Variants in MSRB3 observed in about 807,000 individuals in gnomAD.
MSRB3 encodes the protein methionine sulfoxide reductase B3, also known as methionine-R-sulfoxide reductase B3.
A neutral mutation model predicts 21.0 loss-of-function variants in MSRB3; 13 were observed. The ratio of observed to expected loss-of-function variants is 0.62; its 90% confidence interval spans 0.40 to 0.98. The LOEUF (loss-of-function observed/expected upper bound fraction) is 0.98, where lower values mean the gene tolerates loss of function less well. Among genes scored for constraint, MSRB3 ranks in the 50% least tolerant of loss-of-function variants. The probability of loss-of-function intolerance (pLI) is 0.00; values close to 1 mark genes in which losing one functional copy is unlikely to be tolerated. For missense variants in MSRB3, 199 were observed against 230.3 expected, an observed-to-expected ratio of 0.86 and a Z score of 0.88; for synonymous variants, 87 against 88.6, an observed-to-expected ratio of 0.98 and a Z score of 0.10.
intron 1 of MSRB3, among the ~76,000 whole-genome samples, chr12:65,279,723 A>T (rs1029926328): frequency 6.6e-6 from 1 of 152,136 alleles, no homozygotes; most frequent in Non-Finnish European, 1.5e-5. Flanking sequence ...TCATGTGGGA[A>T]CTGTTGGGGG....
intron 4 of MSRB3, among the ~76,000 whole-genome samples, chr12:65,348,837 G>A (rs1381107239): frequency 1.3e-5 from 2 of 151,970 alleles, no homozygotes; most frequent in African/African-American, 2.4e-5. Flanking sequence ...CCTTCATTTC[G>A]TTATGTACCC....
At chr12:65,383,609 A>C (rs1879054266) in intron 5 of MSRB3, among the ~76,000 whole-genome samples, 1 of 151,698 alleles carries the variant, frequency 6.6e-6, no homozygotes, top group Non-Finnish European at 1.5e-5. Context: ...GGATGTTTTT[A>C]TCTAAAGTAG....
At chr12:65,297,455 A>T (rs1028211041) in intron 1 of MSRB3, among the ~76,000 whole-genome samples, 22 of 152,198 alleles carry the variant, frequency 1.4e-4, no homozygotes, top group Admixed American at 1.4e-3. Context: ...GGTAGACAAG[A>T]CTGTATGGGA....
chr12:65,309,015 T>C (rs1431435338), intron 2 of MSRB3: 3 of 277,752 alleles, frequency 1.1e-5, no homozygotes, highest in Admixed American at 4.7e-5. Flanking sequence ...TTCATCTTGT[T>C]AAAGGATAAT....
intron 4 of MSRB3, among the ~76,000 whole-genome samples, chr12:65,347,768 C>G (rs1470254145): frequency 6.6e-6 from 1 of 152,158 alleles, no homozygotes; most frequent in East Asian, 1.9e-4. Context: ...CCATCAGTAC[C>G]TAATTTATTG....
intron 5 of MSRB3, among the ~76,000 whole-genome samples, chr12:65,441,899 G>T (rs1448644643): frequency 6.6e-6 from 1 of 151,928 alleles, no homozygotes; most frequent in Non-Finnish European, 1.5e-5. Flanking sequence ...CTGCCACAAA[G>T]GCAAAACACC....
At chr12:65,382,925 C>T (rs866914758) in intron 5 of MSRB3, among the ~76,000 whole-genome samples, 6 of 151,910 alleles carry the variant, frequency 3.9e-5, no homozygotes, top group African/African-American at 1.4e-4. Flanking sequence ...TCCTCCCAAA[C>T]GTTTTAAAAT....
intron 5 of MSRB3, among the ~76,000 whole-genome samples, chr12:65,413,249 T>A (rs1052424071): frequency 5.9e-5 from 9 of 152,198 alleles, no homozygotes; most frequent in Non-Finnish European, 1.2e-4. Flanking sequence ...TACCAGTGTT[T>A]AGTGGCATAT....
chr12:65,417,647 TTCCTCTTACCCTTGGTAAC>T (rs1881049857), intron 5 of MSRB3, among the ~76,000 whole-genome samples: 1 of 152,280 alleles, frequency 6.6e-6, no homozygotes, highest in African/African-American at 2.4e-5. Flanking sequence ...CCCAAACTCC[TTCCTCTTACCCTTGGTAAC>T]CACCATTCTA....
chr12:65,361,542 A>T (rs1414691622), intron 4 of MSRB3, among the ~76,000 whole-genome samples: 1 of 152,154 alleles, frequency 6.6e-6, no homozygotes, highest in African/African-American at 2.4e-5. Flanking sequence ...ATATATTTTT[A>T]TATACCTTTT....
At chr12:65,370,944 C>A (rs533654980) in intron 5 of MSRB3, among the ~76,000 whole-genome samples, 3 of 152,216 alleles carry the variant, frequency 2.0e-5, no homozygotes, top group Admixed American at 1.3e-4. Context: ...CTTATAAGCT[C>A]CTTTTAGCTT....
chr12:65,358,405 T>C (rs1055790436), intron 4 of MSRB3, among the ~76,000 whole-genome samples: 9 of 152,030 alleles, frequency 5.9e-5, no homozygotes, highest in African/African-American at 2.2e-4. Context: ...TATAGACTCA[T>C]GGATATTAAT....
At chr12:65,308,784 G>C in intron 2 of MSRB3, 129 bp downstream of exon 2, 8 of 1,254,282 alleles carry the variant, frequency 6.4e-6, no homozygotes, top group Non-Finnish European at 8.0e-6. Context: ...TTTGAAGACG[G>C]AAATTGGTTA....
intron 5 of MSRB3, among the ~76,000 whole-genome samples, chr12:65,396,954 G>A (rs1245563355): frequency 2.0e-5 from 3 of 152,108 alleles, no homozygotes; most frequent in African/African-American, 7.2e-5. Context: ...TTCTAATAGA[G>A]GGGTGTTGAA....
At chr12:65,448,912 T>G (rs1339655107) in intron 5 of MSRB3, among the ~76,000 whole-genome samples, 1 of 152,234 alleles carries the variant, frequency 6.6e-6, no homozygotes, top group African/African-American at 2.4e-5. Context: ...CATATTTGGT[T>G]GATTGCCACT....
At chr12:65,373,060 G>C (rs901789790) in intron 5 of MSRB3, among the ~76,000 whole-genome samples, 5 of 152,192 alleles carry the variant, frequency 3.3e-5, no homozygotes, top group Non-Finnish European at 7.3e-5. Flanking sequence ...TTGGCAAAGA[G>C]TAATGGACTA....
At chr12:65,461,322 A>G (rs115541440) in intron 6 of MSRB3, among the ~76,000 whole-genome samples, 1,635 of 152,300 alleles carry the variant, frequency 0.011, 40 homozygotes, top group African/African-American at 0.038. Flanking sequence ...AAAATTTGGC[A>G]TCAATTGTTT....
chr12:65,439,568 C>T (rs190976963), intron 5 of MSRB3, among the ~76,000 whole-genome samples: 32 of 151,392 alleles, frequency 2.1e-4, no homozygotes, highest in African/African-American at 6.8e-4. Context: ...GTAGAGATTT[C>T]GTATAGCCCA....
chr12:65,399,649 A>G (rs4489795), intron 5 of MSRB3, among the ~76,000 whole-genome samples: 99,387 of 151,966 alleles, frequency 0.65, 32,626 homozygotes, highest in Admixed American at 0.72. Context: ...TTGAATAGGA[A>G]TGGTGAGAGA....
Sources: gnomAD v4.1 joint callset for allele counts (sites outside exome capture counted in the v4.1 genomes callset) on GRCh38, gnomAD v4.1.1 for gene constraint, MANE v1.5 for transcripts, NCBI Gene and HGNC (gene_info 2026-07-23, HGNC 2026-07-21) for gene names.